Variants in LEPR observed in about 807,000 individuals in gnomAD.
LEPR encodes OB receptor.
A neutral mutation model predicts 114.7 loss-of-function variants in LEPR; 56 were observed. The ratio of observed to expected loss-of-function variants is 0.49; its 90% CI spans 0.39 to 0.61. The LOEUF is 0.61. LEPR is among the 20% of genes least tolerant of loss of function. LEPR has a pLI of 0.00. For missense variants in LEPR, 1,202 were observed against 1,352.9 expected (o/e 0.89, Z 1.75); for synonymous variants, 443 against 461.4 (o/e 0.96, Z 0.51).
intron 2 of LEPR, among the ~76,000 whole-genome samples, chr1:65,504,930 C>A (rs1017856315): frequency 6.6e-5 from 10 of 152,120 alleles, no homozygotes; most frequent in African/African-American, 2.4e-4. Context: ...TTTAAAAAAT[C>A]TCATTCCAAG....
At chr1:65,504,437 G>A (rs1570573475) in intron 2 of LEPR, among the ~76,000 whole-genome samples, 1 of 152,174 alleles carries the variant, frequency 6.6e-6, no homozygotes, top group African/African-American at 2.4e-5. Flanking sequence ...AGGTCATGTT[G>A]ATAGTATGTA....
rs1658615887 is a variant in LEPR at position 65,633,780 on chromosome 1, A to G, written c.2674-2411A>G. ...CAATCTGGGAATTTCAGTTTTCAAT[A>G]TCCTTGAAAATGGCTTAAGTGATAA... On this transcript the variant is annotated intron_variant, in intron 19 of 19. Coordinates refer to ENST00000349533, the MANE Select transcript of LEPR (RefSeq NM_002303.6). This position sits in a 1 kb window ranked among gnomAD's most constrained non-coding sequence, Gnocchi z 4.1. The G allele has an allele frequency of 1.0e-6, 1 of 985,314 alleles. No homozygotes were observed. The highest frequency in any genetic ancestry group is 1.7e-5 in the African/African-American group (1 of 57,204). The allele number at this position is 985,314 out of a possible 1,614,324, so 61.0% of individuals were successfully genotyped here. A position where few individuals can be genotyped will look rare whatever the true frequency, so the allele number is the denominator to read the frequency against.
intron 2 of LEPR, among the ~76,000 whole-genome samples, chr1:65,428,658 G>T (rs1253703198): frequency 2.0e-5 from 3 of 152,178 alleles, no homozygotes; most frequent in South Asian, 2.1e-4. Flanking sequence ...TGCTGTCTGG[G>T]CGTATCTGTG....
At chr1:65,499,914 G>A (rs1208406858) in intron 2 of LEPR, among the ~76,000 whole-genome samples, 1 of 152,054 alleles carries the variant, frequency 6.6e-6, no homozygotes, top group Non-Finnish European at 1.5e-5. Context: ...TTCTGACCCT[G>A]ACCTAGTTGG....
rs756481562 is a variant in LEPR at position 65,626,211 on chromosome 1, G to GC, written c.2673+3231dup. ...TACGTCCTACCTCGCTGCCGCACCT[G>GC]CTCTCCCTGAGGTGTGCACAATGCT... On this transcript the variant is annotated intron_variant, in intron 19 of 19. Transcript: ENST00000349533. 2.5e-6 allele frequency: 4 copies of GC among 1,593,312 alleles called. No individual in the cohort carries two copies. In the East Asian group the frequency reaches 6.7e-5, roughly 27 times the overall value.
intron 2 of LEPR, among the ~76,000 whole-genome samples, chr1:65,519,021 T>C (rs1387095691): frequency 2.0e-5 from 3 of 150,294 alleles, no homozygotes; most frequent in South Asian, 2.1e-4. Flanking sequence ...TTCTCTTTCT[T>C]TCTCTTTCTT....
intron 2 of LEPR, among the ~76,000 whole-genome samples, chr1:65,453,116 G>T (rs946361440): frequency 1.3e-5 from 2 of 152,260 alleles, no homozygotes; most frequent in South Asian, 4.1e-4. Context: ...CTGTGGGATT[G>T]GTGGTGATAT....
intron 4 of LEPR, among the ~76,000 whole-genome samples, chr1:65,571,588 C>T (rs1013386760): frequency 6.7e-6 from 1 of 149,030 alleles, no homozygotes; most frequent in Non-Finnish European, 1.5e-5. Flanking sequence ...TGGGTTTTCA[C>T]ATGTATGAGT....
intron 2 of LEPR, among the ~76,000 whole-genome samples, chr1:65,451,688 GTA>G (rs1270894471): frequency 2.0e-5 from 3 of 152,170 alleles, no homozygotes; most frequent in Non-Finnish European, 4.4e-5. Flanking sequence ...TAGCCTTGTA[GTA>G]TAGTTTGAAG....
chr1:65,420,872 A>T, intron 1 of LEPR, 132 bp downstream of exon 1: 2 of 1,162,042 alleles, frequency 1.7e-6, no homozygotes, highest in Non-Finnish European at 2.5e-6. Flanking sequence ...CCGGTTCGGG[A>T]GGCGATCGAC....
chr1:65,517,003 C>T (rs185103300), intron 2 of LEPR, among the ~76,000 whole-genome samples: 2 of 152,300 alleles, frequency 1.3e-5, no homozygotes, highest in East Asian at 3.9e-4. Flanking sequence ...CCATAATAAC[C>T]GAGCAGTCTC....
intron 2 of LEPR, chr1:65,433,855 C>T (rs553726985): frequency 6.2e-5 from 61 of 985,036 alleles, no homozygotes; most frequent in Non-Finnish European, 7.1e-5. Flanking sequence ...GAAAAGATAA[C>T]AAAAATGAGA....
intron 2 of LEPR, among the ~76,000 whole-genome samples, chr1:65,549,188 T>C (rs1405386748): frequency 6.6e-6 from 1 of 151,572 alleles, no homozygotes; most frequent in Non-Finnish European, 1.5e-5. Flanking sequence ...GCTGTTAGTC[T>C]GATGGGCTTC....
chr1:65,507,089 C>T (rs752533740), intron 2 of LEPR, among the ~76,000 whole-genome samples: 10 of 152,092 alleles, frequency 6.6e-5, no homozygotes, highest in Middle Eastern at 3.2e-3. Flanking sequence ...CTTGCTCTAT[C>T]GCCCAGGCTG....
chr1:65,529,582 C>G (rs1650244368), intron 2 of LEPR, among the ~76,000 whole-genome samples: 1 of 150,314 alleles, frequency 6.7e-6, no homozygotes, highest in African/African-American at 2.5e-5. Flanking sequence ...GGAGGATTGT[C>G]TCTATTCCCT....
At chr1:65,587,384 A>T (rs1655380834) in intron 5 of LEPR, among the ~76,000 whole-genome samples, 1 of 152,082 alleles carries the variant, frequency 6.6e-6, no homozygotes, top group Non-Finnish European at 1.5e-5. Flanking sequence ...TTGCTTAAAG[A>T]TTTAGATAAA....
At chr1:65,515,122 G>A (rs1351239732) in intron 2 of LEPR, among the ~76,000 whole-genome samples, 1 of 152,174 alleles carries the variant, frequency 6.6e-6, no homozygotes, top group African/African-American at 2.4e-5. Context: ...TGATGGTTGA[G>A]GGAGGGATGC....
rs369941589 is a variant in LEPR at position 65,624,814 on chromosome 1, G to C, written c.2673+1833G>C. Among the ~76,000 whole-genome samples, 22 of 152,240 alleles carry C rather than the reference G, an allele frequency of 1.4e-4. No individual in the cohort carries two copies. The East Asian group carries it at 3.9e-3, about 27-fold the overall frequency. ...GAATAAGTAAACAACTAATATTGTA[G>C]ACATAATGAACAAAGAAAAAGATTG... On this transcript the variant is annotated intron_variant, in intron 19 of 19. Coordinates refer to ENST00000349533, the MANE Select transcript of LEPR (RefSeq NM_002303.6).
At chr1:65,626,189 G>A (rs769882206) in intron 19 of LEPR, 22 of 1,607,274 alleles carry the variant, frequency 1.4e-5, no homozygotes, top group Middle Eastern at 1.7e-4. Context: ...TGTAGACTAC[G>A]TCCTACCTCG....
Sources: allele counts gnomAD v4.1 joint callset (sites outside exome capture counted in the v4.1 genomes callset), GRCh38; gene constraint gnomAD v4.1.1; non-coding constraint Gnocchi (gnomAD v3.1); transcripts MANE v1.5; gene names NCBI Gene and HGNC (gene_info 2026-07-23, HGNC 2026-07-21).